The following ATP8B4 variants were observed in gnomAD, a reference collection of about 807,000 sequenced individuals.
ATP8B4 encodes the protein probable phospholipid-transporting ATPase IM.
In ATP8B4, 133 loss-of-function variants were observed where a neutral mutation model predicts 145.6. That is an observed-to-expected ratio of 0.91 (90% CI 0.79 to 1.05). The LOEUF is 1.05. Ranked by LOEUF, ATP8B4 falls within the 50% of genes least tolerant of loss-of-function variation. ATP8B4 has a pLI of 0.00. For synonymous variants in ATP8B4, 507 were observed against 492.9 expected, an observed-to-expected ratio of 1.03 and a Z score of -0.38; for missense variants, 1,458 against 1,425.2, an observed-to-expected ratio of 1.02 and a Z score of -0.37.
At chr15:50,100,918 CTAAT>C (rs1282058349) in intron 2 of ATP8B4, among the ~76,000 whole-genome samples, 2 of 152,068 alleles carry the variant, frequency 1.3e-5, no homozygotes, top group African/African-American at 4.8e-5. Flanking sequence ...TGTCAATTAA[CTAAT>C]TAATAAAAAA....
intron 1 of ATP8B4, among the ~76,000 whole-genome samples, chr15:50,156,705 A>G (rs1161204189): frequency 2.0e-5 from 3 of 152,220 alleles, no homozygotes; most frequent in African/African-American, 7.2e-5. Context: ...CAATTTGCAC[A>G]TCAGTTTTTA....
intron 6 of ATP8B4, among the ~76,000 whole-genome samples, chr15:50,014,257 G>A (rs988198963): frequency 6.6e-6 from 1 of 152,034 alleles, no homozygotes; most frequent in Non-Finnish European, 1.5e-5. Context: ...CCTGAGCTTG[G>A]TTTCTTCTTT....
At chr15:49,999,626 G>T (rs1214306329) in intron 8 of ATP8B4, among the ~76,000 whole-genome samples, 1 of 152,078 alleles carries the variant, frequency 6.6e-6, no homozygotes, top group South Asian at 2.1e-4. Context: ...ATCTGCCTGA[G>T]TATCTTGATA....
chr15:49,974,309 C>T (rs900101382), intron 12 of ATP8B4, among the ~76,000 whole-genome samples: 3 of 151,776 alleles, frequency 2.0e-5, no homozygotes, highest in African/African-American at 7.3e-5. Context: ...CTTGAGTACT[C>T]GAACTACTGC....
chr15:49,930,716 TG>T (rs1318835671), intron 16 of ATP8B4, among the ~76,000 whole-genome samples: 1 of 152,098 alleles, frequency 6.6e-6, no homozygotes, highest in Non-Finnish European at 1.5e-5. Flanking sequence ...TATGCGAACC[TG>T]GGCAAGTTAC....
intron 2 of ATP8B4, among the ~76,000 whole-genome samples, chr15:50,104,396 G>A (rs1181529325): frequency 6.6e-6 from 1 of 151,520 alleles, no homozygotes; most frequent in Non-Finnish European, 1.5e-5. Flanking sequence ...AAAAACAAAC[G>A]GATCCCATCA....
intron 2 of ATP8B4, among the ~76,000 whole-genome samples, chr15:50,102,952 T>C (rs1201545582): frequency 6.6e-6 from 1 of 152,062 alleles, no homozygotes; most frequent in Non-Finnish European, 1.5e-5. Context: ...CACAAGTCAA[T>C]AAATGTGATA....
At chr15:50,130,635 G>T (rs1485314917) in intron 1 of ATP8B4, among the ~76,000 whole-genome samples, 2 of 151,920 alleles carry the variant, frequency 1.3e-5, no homozygotes, top group Non-Finnish European at 2.9e-5. Context: ...AATTAGCCAG[G>T]CGTGGTGGCA....
At chr15:50,082,177 G>C (rs149138407) in intron 2 of ATP8B4, among the ~76,000 whole-genome samples, 242 of 152,234 alleles carry the variant, frequency 1.6e-3, no homozygotes, top group Non-Finnish European at 2.4e-3. Context: ...AAAGACATGA[G>C]GAAAGAACAA....
In ATP8B4 at chr15:49,930,285, C is replaced by T. The variant is rs1019542278; in HGVS notation, c.1642+834G>A. Among the ~76,000 whole-genome samples, 7 of 151,942 alleles carry T rather than the reference C, an allele frequency of 4.6e-5. No individual in the cohort carries two copies. The South Asian group carries it at 8.3e-4, about 18-fold the overall frequency. ...GGGAAAAGACTTAATGGTGTGCATT[C>T]CTGAGGGCCTTTATTTTCTTAGAGA... On this transcript the variant is annotated intron_variant, in intron 16 of 27. Transcript: ENST00000284509.
chr15:49,934,290 C>T (rs1178144632), intron 14 of ATP8B4, 108 bp from the exon 15 acceptor site: 1 of 1,261,202 alleles, frequency 7.9e-7, no homozygotes, highest in Non-Finnish European at 1.1e-6. Flanking sequence ...TATTTTGCAG[C>T]CTCAAATGTC....
intron 6 of ATP8B4, among the ~76,000 whole-genome samples, chr15:50,015,407 G>T (rs553041760): frequency 6.6e-6 from 1 of 152,200 alleles, no homozygotes; most frequent in African/African-American, 2.4e-5. Context: ...CTTGGCCAAG[G>T]TCACATATAA....
chr15:49,876,689 A>G, intron 24 of ATP8B4, 166 bp from the exon 25 acceptor site: 1 of 978,688 alleles, frequency 1.0e-6, no homozygotes. Context: ...ACAATAAACC[A>G]GAAGATAATA....
chr15:50,011,442 G>A (rs1436776630), intron 6 of ATP8B4, among the ~76,000 whole-genome samples: 4 of 152,120 alleles, frequency 2.6e-5, no homozygotes, highest in African/African-American at 9.7e-5. Flanking sequence ...GAATGAGAAG[G>A]ACTACCTACA....
intron 2 of ATP8B4, among the ~76,000 whole-genome samples, chr15:50,104,899 A>G (rs1417430104): frequency 6.6e-6 from 1 of 151,990 alleles, no homozygotes; most frequent in Non-Finnish European, 1.5e-5. Context: ...CCATATATAC[A>G]CTATGGAATA....
At chr15:50,011,132 G>A (rs2048695665) in intron 6 of ATP8B4, among the ~76,000 whole-genome samples, 1 of 151,958 alleles carries the variant, frequency 6.6e-6, no homozygotes, top group South Asian at 2.1e-4. Context: ...GGTACTCCTG[G>A]GCTAAACTCA....
chr15:50,176,347 A>G (rs1595672160), intron 1 of ATP8B4, among the ~76,000 whole-genome samples: 1 of 151,980 alleles, frequency 6.6e-6, no homozygotes, highest in Non-Finnish European at 1.5e-5. Flanking sequence ...AGAATAATAC[A>G]ATGGACTTTG....
chr15:50,054,568 G>T (rs1187659419), intron 3 of ATP8B4, among the ~76,000 whole-genome samples: 1 of 152,162 alleles, frequency 6.6e-6, no homozygotes, highest in African/African-American at 2.4e-5. Flanking sequence ...CGGATCACAA[G>T]GTCAGGAGAT....
intron 14 of ATP8B4, among the ~76,000 whole-genome samples, chr15:49,949,314 C>T (rs528404495): frequency 5.3e-4 from 81 of 152,108 alleles, no homozygotes; most frequent in African/African-American, 1.9e-3. Flanking sequence ...GGAATGTTTT[C>T]CCATTTGTTT....
Sources: gnomAD v4.1 joint callset for allele counts (sites outside exome capture counted in the v4.1 genomes callset) on GRCh38, gnomAD v4.1.1 for gene constraint, MANE v1.5 for transcripts, NCBI Gene and HGNC (gene_info 2026-07-23, HGNC 2026-07-21) for gene names.